Variants in ITGAL observed in about 807,000 individuals in gnomAD.
ITGAL encodes integrin alpha-L.
ITGAL carries 68 observed loss-of-function variants against 138.4 expected under a neutral mutation model. That is an observed-to-expected ratio of 0.49 (90% CI 0.40 to 0.60). The LOEUF (loss-of-function observed/expected upper bound fraction) is 0.60, where lower values mean the gene tolerates loss of function less well. Ranked by LOEUF, ITGAL falls within the 20% of genes least tolerant of loss-of-function variation. The pLI, the probability that ITGAL is intolerant of heterozygous loss-of-function variation, is 0.00. For missense variants in ITGAL, 1,256 were observed against 1,478.6 expected, an observed-to-expected ratio of 0.85 and a Z score of 2.47; for synonymous variants, 561 against 584.3, an observed-to-expected ratio of 0.96 and a Z score of 0.57.
chr16:30,479,012 G>A lies in ITGAL; in HGVS notation c.328-79G>A, dbSNP rs192620736. On this transcript the variant is annotated intron_variant, in intron 4 of 30. Transcript: ENST00000356798. ...GAGAAAGAGGACAAGGACTCTGAAC[G>A]TTCCTAGTTTTGGTTGATGTTGCCC... 1,867 of 1,027,988 alleles carry A rather than the reference G, an allele frequency of 1.8e-3. 6 individuals carry two copies. The highest frequency in any genetic ancestry group is 3.1e-3 in the Middle Eastern group (10 of 3,190). 63.7% of individuals were successfully genotyped at this position (1,027,988 alleles called of 1,614,324 possible).
At chr16:30,508,247 C>G (rs369220658) in intron 21 of ITGAL, among the ~76,000 whole-genome samples, 6 of 112,124 alleles carry the variant, frequency 5.4e-5, no homozygotes, top group East Asian at 5.6e-4. Flanking sequence ...AAGTCTTGCT[C>G]TTGTCCCCCA....
chr16:30,499,853 A>G (rs973764755), intron 17 of ITGAL, among the ~76,000 whole-genome samples: 4 of 145,602 alleles, frequency 2.7e-5, no homozygotes, highest in South Asian at 2.2e-4. Flanking sequence ...GGTTCAAGCA[A>G]TTCTCCTGCC....
intron 8 of ITGAL, 37 bp from the exon 9 acceptor site, chr16:30,484,076 G>A: frequency 6.2e-7 from 1 of 1,604,024 alleles, no homozygotes; most frequent in Non-Finnish European, 8.5e-7. Flanking sequence ...ACTGAGGTTT[G>A]GGGGATTTCA....
At chr16:30,498,999 G>A (rs944928362) in intron 15 of ITGAL, 75 bp from the exon 16 acceptor site, 2 of 1,451,548 alleles carry the variant, frequency 1.4e-6, no homozygotes, top group African/African-American at 2.8e-5. Context: ...TGGCTTTGCT[G>A]GCGGGAGCCC....
chr16:30,477,655 G>A (rs760819007), intron 4 of ITGAL, among the ~76,000 whole-genome samples: 3 of 151,904 alleles, frequency 2.0e-5, no homozygotes, highest in South Asian at 2.1e-4. Flanking sequence ...TTGGGAGGCC[G>A]AGACAGGTGG....
chr16:30,513,602 G>A (rs774767541), intron 24 of ITGAL, among the ~76,000 whole-genome samples, 169 bp from the exon 25 acceptor site: 27 of 152,282 alleles, frequency 1.8e-4, no homozygotes, highest in South Asian at 1.0e-3. Flanking sequence ...TGGACAAGAG[G>A]CTGGCCCTGT....
At chr16:30,513,678 C>A in intron 24 of ITGAL, 93 bp from the exon 25 acceptor site, 1 of 875,864 alleles carries the variant, frequency 1.1e-6, no homozygotes, top group Non-Finnish European at 1.9e-6. Context: ...GTATCTGTGC[C>A]GTTCCTAGCA....
At position 30,479,096 on chromosome 16, in the gene ITGAL, T is replaced by C. The variant is rs1597064618; in HGVS notation, c.333T>C (p.Cys111=). 1.2e-6 allele frequency: 2 copies of C among 1,613,762 alleles called. No homozygotes were observed. The highest frequency in any genetic ancestry group is 8.5e-7 in the Non-Finnish European group (1 of 1,179,900). The part of the protein sequence containing the change: ...TDPTDGSILA[C]DPGLSRTCDQ... Reference sequence around the variant, plus strand: ...TTGGCCTTTGCTTTCTTTAGGCCTGTGACCCTGGGCTGTCTCGAACGTGTG... The same window carrying C: ...TTGGCCTTTGCTTTCTTTAGGCCTGCGACCCTGGGCTGTCTCGAACGTGTG... The change falls in exon 5 of 31, where the codon TGT becomes TGC. Residue 111 remains cysteine, a synonymous_variant. Coordinates refer to ENST00000356798, the MANE Select transcript of ITGAL (RefSeq NM_002209.3).
intron 21 of ITGAL, among the ~76,000 whole-genome samples, chr16:30,507,315 C>T (rs1328404633): frequency 6.6e-5 from 10 of 151,880 alleles, no homozygotes; most frequent in Non-Finnish European, 1.0e-4. Context: ...AAAAATTAGC[C>T]GGGCGAGGTG....
At chr16:30,475,268 C>T in intron 2 of ITGAL, 38 bp from the exon 3 acceptor site, 1 of 1,476,800 alleles carries the variant, frequency 6.8e-7, no homozygotes, top group Non-Finnish European at 9.4e-7. Context: ...GGGTACAGAT[C>T]TGGGCCACTC....
chr16:30,518,448 CAA>C (rs371321025), intron 28 of ITGAL, among the ~76,000 whole-genome samples, 174 bp from the exon 29 acceptor site: 7 of 99,594 alleles, frequency 7.0e-5, no homozygotes, highest in Admixed American at 1.1e-4. Context: ...GACTCCATCT[CAA>C]AAAAAAAAAA....
chr16:30,515,240 C>G (rs1027413548), intron 25 of ITGAL, among the ~76,000 whole-genome samples: 4 of 152,214 alleles, frequency 2.6e-5, no homozygotes, highest in Admixed American at 2.6e-4. Flanking sequence ...CTTAACGTGT[C>G]TGGGTGAATT....
At chr16:30,514,596 G>T (rs983051350) in intron 25 of ITGAL, among the ~76,000 whole-genome samples, 2 of 151,644 alleles carry the variant, frequency 1.3e-5, no homozygotes, top group Non-Finnish European at 2.9e-5. Flanking sequence ...GCTAACTTTT[G>T]TATTTTTTGT....
chr16:30,499,804 T>A (rs1279613549), intron 17 of ITGAL, among the ~76,000 whole-genome samples: 3 of 143,890 alleles, frequency 2.1e-5, no homozygotes, highest in Non-Finnish European at 4.5e-5. Flanking sequence ...TCTCACTTAC[T>A]ACAGCACGAT....
At chr16:30,485,639 G>A (rs1452716675) in intron 9 of ITGAL, among the ~76,000 whole-genome samples, 1 of 151,496 alleles carries the variant, frequency 6.6e-6, no homozygotes, top group Non-Finnish European at 1.5e-5. Context: ...ATCCTCCCAC[G>A]TAGCTGGGAC....
At chr16:30,496,001 G>A in intron 13 of ITGAL, 96 bp from the exon 14 acceptor site, 1 of 1,004,648 alleles carries the variant, frequency 1.0e-6, no homozygotes, top group Non-Finnish European at 1.6e-6. Context: ...TTCTGTGAGG[G>A]ACCCCATCTT....
At chr16:30,517,776 C>CG in intron 27 of ITGAL, 21 bp from the exon 28 acceptor site, 1 of 1,613,706 alleles carries the variant, frequency 6.2e-7, no homozygotes. Context: ...GCCCTGACCC[C>CG]GCTTTCCTCA....
chr16:30,502,258 G>A (rs1163707621), intron 17 of ITGAL, among the ~76,000 whole-genome samples: 10 of 150,872 alleles, frequency 6.6e-5, no homozygotes, highest in Non-Finnish European at 8.9e-5. Flanking sequence ...TTAGCTGGGC[G>A]TGGTGGTGGG....
chr16:30,475,584 A>T lies in ITGAL; in HGVS notation c.327+4A>T. The stretch of plus-strand genomic sequence containing the variant: ...CCCCACAGATGGAAGCATTTTGGTA[A>T]GAATTTTGTGCAGTGGTGTTATCAG... On this transcript the variant is annotated splice_donor_region_variant and intron_variant, in intron 4 of 30. Coordinates refer to ENST00000356798, the MANE Select transcript of ITGAL (RefSeq NM_002209.3). The T allele has an allele frequency of 6.2e-7, 1 of 1,610,810 alleles. No homozygotes were observed. Among genetic ancestry groups the T allele is most frequent in the Non-Finnish European group, 8.5e-7 (1 of 1,176,970 alleles).
Sources: gnomAD v4.1 joint callset for allele counts (sites outside exome capture counted in the v4.1 genomes callset) on GRCh38, gnomAD v4.1.1 for gene constraint, MANE v1.5 for transcripts, NCBI Gene and HGNC (gene_info 2026-07-23, HGNC 2026-07-21) for gene names.